The following OR4F6 variants were observed in gnomAD, a reference collection of about 807,000 sequenced individuals.
The protein encoded by OR4F6 is olfactory receptor family 4 subfamily F member 6.
In OR4F6, 13 loss-of-function variants were observed where a neutral mutation model predicts 15.9. The ratio of observed to expected loss-of-function variants is 0.82; its 90% CI spans 0.53 to 1.30. OR4F6 has a LOEUF of 1.30. OR4F6 is among the 50% of genes most tolerant of loss of function. The pLI is 0.00. For missense variants in OR4F6, 426 were observed against 367.2 expected, an observed-to-expected ratio of 1.16 and a Z score of -1.31; for synonymous variants, 150 against 133.8, an observed-to-expected ratio of 1.12 and a Z score of -0.83.
At position 101,805,739 on chromosome 15, in the gene OR4F6, C is replaced by T; in HGVS notation, c.20C>T (p.Ser7Phe). 1 of 1,613,170 alleles carries T rather than the reference C, an allele frequency of 6.2e-7. No homozygotes were observed. The highest frequency in any genetic ancestry group is 8.5e-7 in the Non-Finnish European group (1 of 1,179,478). MDEANH[S>F]VVSEFVFLGL... ...GAGGCAATGGATGAAGCCAATCACT[C>T]TGTGGTCTCTGAGTTTGTGTTCCTG... The change falls in exon 2 of 2, where the codon TCT (serine) becomes TTT (phenylalanine). Residue 7 changes from serine (S) to phenylalanine (F), a missense_variant. Coordinates refer to ENST00000328882, the MANE Select transcript of OR4F6 (RefSeq NM_001005326.2).
Position 101,806,823 on chromosome 15 carries a change from A to G in OR4F6, c.*165A>G, listed in dbSNP as rs1303067751. The G allele has an allele frequency of 1.0e-5, 5 of 476,638 alleles. No homozygotes were observed. In the East Asian group the frequency reaches 1.6e-4, roughly 15 times the overall value. The allele number at this position is 476,638 out of a possible 1,614,324, so 29.5% of individuals were successfully genotyped here. On this transcript the variant is annotated 3_prime_UTR_variant, in exon 2 of 2. Transcript: ENST00000328882. ...ATTGTGGTATCAATCTCTTGCTTAT[A>G]TAGGAGATTTAAAGATTAAACAGTG...
In OR4F6 at chr15:101,806,428, TTCTC is replaced by T. The variant is rs1381664550; in HGVS notation, c.711_714del (p.Phe237LeufsTer17). 1.9e-6 allele frequency: 3 copies of T among 1,613,362 alleles called. No individual in the cohort carries two copies. The African/African-American group carries it at 4.0e-5, about 22-fold the overall frequency. On this transcript the variant is annotated frameshift_variant, in exon 2 of 2. Transcript: ENST00000328882. LOFTEE classifies it high-confidence loss of function. Reference sequence around the variant, plus strand: ...ATCTTCAGGTGGTATATTCAAGGCTTTCTCTATGCTGTCAGCTCATGTCATTGTG... The same window carrying T: ...ATCTTCAGGTGGTATATTCAAGGCTTTATGCTGTCAGCTCATGTCATTGTG...
chr15:101,805,135 T>A (rs1441744198), intron 1 of OR4F6, among the ~76,000 whole-genome samples: 1 of 152,234 alleles, frequency 6.6e-6, no homozygotes, highest in South Asian at 2.1e-4. Flanking sequence ...TTTGAAGACA[T>A]GTTGAAGAAA....
rs757513659 is a variant in OR4F6 at position 101,805,831 on chromosome 15, A to G, written c.112A>G (p.Ser38Gly). 44 of 1,614,028 alleles carry G rather than the reference A, an allele frequency of 2.7e-5. No individual in the cohort carries two copies. Among genetic ancestry groups the G allele is most frequent in the Non-Finnish European group, 3.6e-5 (42 of 1,180,012 alleles). ...FLFFSVFYVS[S>G]LMGNLLIVLT... Reference sequence around the variant, plus strand: ...CTTTTTCTCAGTGTTCTATGTGTCAAGCCTGATGGGAAATCTCCTCATTGT... The same window carrying G: ...CTTTTTCTCAGTGTTCTATGTGTCAGGCCTGATGGGAAATCTCCTCATTGT... Residue 38 changes from serine to glycine, a missense_variant, in exon 2 of 2, where the codon AGC becomes GGC. Physicochemically the swap from Ser to Gly is moderately conservative, Grantham distance 56. Coordinates refer to ENST00000328882, the MANE Select transcript of OR4F6 (RefSeq NM_001005326.2).
At position 101,805,705 on chromosome 15, in the gene OR4F6, C is replaced by A; in HGVS notation, c.-15C>A. ...CTTTCAGTTAGCATGAGAGTTGTCA[C>A]AGCCGACAGAGGCAATGGATGAAGC... is the stretch of plus-strand genomic sequence containing the variant. On this transcript the variant is annotated 5_prime_UTR_variant, in exon 2 of 2. Coordinates refer to ENST00000328882, the MANE Select transcript of OR4F6 (RefSeq NM_001005326.2). 1 of 1,588,114 alleles carries A rather than the reference C, an allele frequency of 6.3e-7. No individual in the cohort carries two copies. The highest frequency in any genetic ancestry group is 8.6e-7 in the Non-Finnish European group (1 of 1,163,398).
chr15:101,804,613 A>G (rs1214213282), intron 1 of OR4F6, among the ~76,000 whole-genome samples: 1 of 152,192 alleles, frequency 6.6e-6, no homozygotes, highest in East Asian at 1.9e-4. Context: ...TGGAGAGCTT[A>G]ATTCTGTCTT....
rs1203077793 is a variant in OR4F6, at chr15:101,806,002, G to A, written c.283G>A (p.Gly95Arg). ...LFRKHKTISF[G>R]GCVVQIFFIH... ...CAGGAAGCACAAGACCATCTCTTTT[G>A]GGGGCTGTGTAGTTCAGATCTTCTT... Residue 95 changes from glycine to arginine, a missense_variant, in exon 2 of 2, where the codon GGG becomes AGG. Physicochemically the swap from Gly to Arg is moderately radical, Grantham distance 125. Coordinates refer to ENST00000328882, the MANE Select transcript of OR4F6 (RefSeq NM_001005326.2). 3.1e-6 allele frequency: 5 copies of A among 1,614,024 alleles called. No homozygotes were observed. In the South Asian group the frequency reaches 3.3e-5, roughly 11 times the overall value.
intron 1 of OR4F6, among the ~76,000 whole-genome samples, chr15:101,803,901 G>A (rs1315136468): frequency 2.0e-5 from 3 of 152,152 alleles, no homozygotes; most frequent in Admixed American, 1.3e-4. Flanking sequence ...GTATGTTACG[G>A]TTTCCTGGGC....
chr15:101,803,831 T>C (rs1309864287), intron 1 of OR4F6, among the ~76,000 whole-genome samples: 4 of 152,146 alleles, frequency 2.6e-5, no homozygotes, highest in Non-Finnish European at 2.9e-5. Context: ...AGTGGAAAAT[T>C]TGAGTCCAGT....
Position 101,805,636 on chromosome 15 carries a change from A to G in OR4F6, c.-33-51A>G, listed in dbSNP as rs1477323151. The G allele has an allele frequency of 5.4e-6, 6 of 1,116,240 alleles. No individual in the cohort carries two copies. The African/African-American group carries it at 6.2e-5, about 12-fold the overall frequency. The allele number at this position is 1,116,240 out of a possible 1,614,324, so 69.1% of individuals were successfully genotyped here. A position where few individuals can be genotyped will look rare whatever the true frequency, so the allele number is the denominator to read the frequency against. On this transcript the variant is annotated intron_variant, in intron 1 of 1. Transcript: ENST00000328882. ...ATGAATTGCTCATGATTTTGCCAAC[A>G]TCAATGCTTTTTGTCCTAAATCAAA...
chr15:101,804,625 A>G (rs529438350), intron 1 of OR4F6, among the ~76,000 whole-genome samples: 2 of 152,296 alleles, frequency 1.3e-5, no homozygotes, highest in South Asian at 2.1e-4. Context: ...TTCTGTCTTC[A>G]TGGAAAAGAT....
chr15:101,805,567 C>T (rs990179438), intron 1 of OR4F6, 120 bp from the exon 2 acceptor site: 1 of 612,348 alleles, frequency 1.6e-6, no homozygotes, highest in Non-Finnish European at 2.9e-6. Context: ...CTGAAATTGT[C>T]TCTAAAGGCA....
chr15:101,806,692 C>G lies in OR4F6; in HGVS notation c.*34C>G. The G allele has an allele frequency of 2.4e-6, 3 of 1,250,506 alleles. No homozygotes were observed. Among genetic ancestry groups the G allele is most frequent in the Non-Finnish European group, 3.3e-6 (3 of 910,066 alleles). 77.5% of individuals were successfully genotyped at this position (1,250,506 alleles called of 1,614,324 possible). A position where few individuals can be genotyped will look rare whatever the true frequency, so the allele number is the denominator to read the frequency against. On this transcript the variant is annotated 3_prime_UTR_variant, in exon 2 of 2. Transcript: ENST00000328882. The stretch of plus-strand genomic sequence containing the variant: ...AGAATATACAAAAAGGCAAATTATA[C>G]TAGAATTTCAGACAGATATGTGTTA...
At position 101,805,949 on chromosome 15, in the gene OR4F6, C is replaced by T. The variant is rs558260972; in HGVS notation, c.230C>T (p.Thr77Ile). 2 of 1,614,116 alleles carry T rather than the reference C, an allele frequency of 1.2e-6. No individual in the cohort carries two copies. The highest frequency in any genetic ancestry group is 1.3e-5 in the African/African-American group (1 of 75,026). The change falls in exon 2 of 2, where the codon ACA (threonine) becomes ATA (isoleucine). Residue 77 changes from threonine to isoleucine, a missense_variant. By Grantham distance (89) the Thr-to-Ile change is moderately conservative. Transcript: ENST00000328882. ...ATCAATTTGGTATTTTGTTCCTCCACAGCTCCCAAGATGATTTATGACCTT... is the reference window on the plus strand; with the variant it reads ...ATCAATTTGGTATTTTGTTCCTCCATAGCTCCCAAGATGATTTATGACCTT... Reference protein sequence around the residue: ...SIINLVFCSSTAPKMIYDLFR... With the variant: ...SIINLVFCSSIAPKMIYDLFR...
intron 1 of OR4F6, among the ~76,000 whole-genome samples, chr15:101,804,678 G>T (rs901528088): frequency 6.6e-6 from 1 of 152,186 alleles, no homozygotes; most frequent in Admixed American, 6.5e-5. Flanking sequence ...AAAGTGTTCA[G>T]TGGGGACTAA....
At chr15:101,804,509 C>A (rs1296396898) in intron 1 of OR4F6, among the ~76,000 whole-genome samples, 1 of 152,270 alleles carries the variant, frequency 6.6e-6, no homozygotes, top group Non-Finnish European at 1.5e-5. Flanking sequence ...GTGTTAAACA[C>A]AATCATGAGC....
rs756735861 is a variant in OR4F6 at position 101,805,699 on chromosome 15, T to C, written c.-21T>C. ...TCTCCTCTTTCAGTTAGCATGAGAG[T>C]TGTCACAGCCGACAGAGGCAATGGA... is the stretch of plus-strand genomic sequence containing the variant. On this transcript the variant is annotated 5_prime_UTR_variant, in exon 2 of 2. Transcript: ENST00000328882. The C allele has an allele frequency of 1.6e-5, 25 of 1,574,828 alleles. No individual in the cohort carries two copies. Among genetic ancestry groups the C allele is most frequent in the East Asian group, 2.2e-5 (1 of 44,598 alleles).
Position 101,805,823 on chromosome 15 carries a change from A to G in OR4F6, c.104A>G (p.Tyr35Cys), listed in dbSNP as rs1902787470. The G allele has an allele frequency of 2.5e-6, 4 of 1,613,960 alleles. No individual in the cohort carries two copies. The highest frequency in any genetic ancestry group is 3.3e-5 in the Admixed American group (2 of 60,006). Reference sequence around the variant, plus strand: ...CTCTTCCTCTTTTTCTCAGTGTTCTATGTGTCAAGCCTGATGGGAAATCTC... The same window carrying G: ...CTCTTCCTCTTTTTCTCAGTGTTCTGTGTGTCAAGCCTGATGGGAAATCTC... The part of the protein sequence containing the change: ...LLLFLFFSVF[Y>C]VSSLMGNLLI... The change falls in exon 2 of 2, where the codon TAT (tyrosine) becomes TGT (cysteine). Residue 35 changes from tyrosine (Y) to cysteine (C), a missense_variant. Transcript: ENST00000328882.
In OR4F6 at chr15:101,806,453, T is replaced by C. The variant is rs1902808335; in HGVS notation, c.734T>C (p.Ile245Thr). 1.2e-6 allele frequency: 2 copies of C among 1,613,652 alleles called. No individual in the cohort carries two copies. Among genetic ancestry groups the C allele is most frequent in the Admixed American group, 1.7e-5 (1 of 59,908 alleles). Residue 245 changes from isoleucine to threonine, a missense_variant, in exon 2 of 2, where the codon ATT (isoleucine) becomes ACT (threonine). Ile to Thr is a moderately conservative substitution (Grantham distance 89). Coordinates refer to ENST00000328882, the MANE Select transcript of OR4F6 (RefSeq NM_001005326.2). The part of the protein sequence containing the change: ...KAFSMLSAHV[I>T]VVVLVFGPLI... ...TTCTCTATGCTGTCAGCTCATGTCATTGTGGTGGTTTTGGTCTTTGGGCCA... is the reference window on the plus strand; with the variant it reads ...TTCTCTATGCTGTCAGCTCATGTCACTGTGGTGGTTTTGGTCTTTGGGCCA...
Sources: gnomAD v4.1 joint callset for allele counts (sites outside exome capture counted in the v4.1 genomes callset) on GRCh38, gnomAD v4.1.1 for gene constraint, MANE v1.5 for transcripts, NCBI Gene and HGNC (gene_info 2026-07-23, HGNC 2026-07-21) for gene names.